Variants in TPRX1 observed in about 807,000 individuals in gnomAD.
TPRX1 encodes tetrapeptide repeat homeobox 1, also known as tetra-peptide repeat homeobox protein 1.
In TPRX1, 2 loss-of-function variants were observed where a neutral mutation model predicts 8.1. The ratio of observed to expected loss-of-function variants is 0.25; its 90% confidence interval spans 0.10 to 0.78. The LOEUF is 0.78. Among genes scored for constraint, TPRX1 ranks in the 30% least tolerant of loss-of-function variants. The probability of loss-of-function intolerance (pLI) is 0.70; values close to 1 mark genes in which losing one functional copy is unlikely to be tolerated. For synonymous variants in TPRX1, 257 were observed against 254.1 expected (o/e 1.01, Z -0.11); for missense variants, 517 against 586.9 (o/e 0.88, Z 1.23).
At chr19:47,813,318 A>T (rs1217649531) in intron 2 of TPRX1, among the ~76,000 whole-genome samples, 1 of 151,666 alleles carries the variant, frequency 6.6e-6, no homozygotes, top group African/African-American at 2.4e-5. Context: ...ACAGGGTGAG[A>T]CCCTGTCTCA....
chr19:47,802,685 A>C lies in TPRX1; in HGVS notation c.617T>G (p.Ile206Ser). 1 of 1,568,500 alleles carries C rather than the reference A, an allele frequency of 6.4e-7. No homozygotes were observed. The highest frequency in any genetic ancestry group is 8.6e-7 in the Non-Finnish European group (1 of 1,157,724). ...AATTGAGCCAGGGAGTGGGCCTGGGATCTGGGCTGGGCCTGGGATTGGGGC... is the reference window on the plus strand; with the variant it reads ...AATTGAGCCAGGGAGTGGGCCTGGGCTCTGGGCTGGGCCTGGGATTGGGGC... The change falls in exon 4 of 4, where the codon ATC (isoleucine) becomes AGC (serine). Residue 206 changes from isoleucine (I) to serine (S), a missense_variant. Ile to Ser is a moderately radical substitution (Grantham distance 142). Transcript: ENST00000535759.
At chr19:47,802,644 C>T (rs1185891245) in exon 4 of TPRX1, 1 of 1,552,410 alleles carries the variant, frequency 6.4e-7, no homozygotes, top group Non-Finnish European at 8.7e-7. Flanking sequence ...TGAGCTGGGC[C>T]TGGAATTGGG....
chr19:47,817,590 T>C (rs929223448), intron 2 of TPRX1, among the ~76,000 whole-genome samples: 1 of 152,148 alleles, frequency 6.6e-6, no homozygotes, highest in Non-Finnish European at 1.5e-5. Context: ...AGGGGTAGAA[T>C]TTAAATCTCT....
chr19:47,809,512 A>G (rs1967763769), intron 2 of TPRX1, among the ~76,000 whole-genome samples: 1 of 151,956 alleles, frequency 6.6e-6, no homozygotes, highest in Non-Finnish European at 1.5e-5. Flanking sequence ...CTAACTCCTG[A>G]CCTCAAGTGA....
chr19:47,804,418 C>T (rs573430756), intron 2 of TPRX1, among the ~76,000 whole-genome samples, 97 bp downstream of exon 1: 7 of 152,194 alleles, frequency 4.6e-5, no homozygotes, highest in African/African-American at 1.4e-4. Context: ...GGAAGCCGCC[C>T]GCACAGGCCC....
At chr19:47,816,216 A>C (rs190054625) in intron 2 of TPRX1, among the ~76,000 whole-genome samples, 6 of 150,516 alleles carry the variant, frequency 4.0e-5, no homozygotes, top group East Asian at 2.0e-4. Context: ...TTATAGGCGC[A>C]CACCACCATA....
exon 4 of TPRX1, chr19:47,801,985 G>T (rs942532542): frequency 6.2e-6 from 10 of 1,614,056 alleles, no homozygotes; most frequent in Non-Finnish European, 8.5e-6. Flanking sequence ...CTGGCAAGAA[G>T]TCGGAGGCAT....
rs1213552874 is a variant in TPRX1, at chr19:47,802,557, G to C, written c.745C>G (p.Pro249Ala). Residue 249 changes from proline to alanine, a missense_variant, in exon 4 of 4, where the codon CCA (proline) becomes GCA (alanine). Pro to Ala is a conservative substitution (Grantham distance 27). This residue lies in a region of TPRX1 where 506 missense variants were observed against 515.5 expected (regional missense o/e 0.98). Transcript: ENST00000535759. The stretch of plus-strand genomic sequence containing the variant: ...GGGCCTGAAATTGGGCCTGGGATTG[G>C]GCCACGGAATGGGCCTGGGATCTGG... The C allele has an allele frequency of 3.9e-6, 6 of 1,550,524 alleles. No homozygotes were observed. The African/African-American group carries it at 4.1e-5, about 11-fold the overall frequency.
intron 2 of TPRX1, among the ~76,000 whole-genome samples, chr19:47,816,821 C>T (rs181100287): frequency 2.4e-4 from 36 of 152,146 alleles, no homozygotes; most frequent in Middle Eastern, 3.2e-3. Flanking sequence ...CGTGAGCCAC[C>T]ACGCCCAGCC....
At position 47,803,733 on chromosome 19, in the gene TPRX1, G is replaced by A. The variant is rs898240062; in HGVS notation, c.152-60C>T. Reference sequence around the variant, plus strand: ...CCAGGCAGCCCCCAGCCCCCCTAGGGACCCCGTCCCCTGCACCAGGCCAGG... The same window carrying A: ...CCAGGCAGCCCCCAGCCCCCCTAGGAACCCCGTCCCCTGCACCAGGCCAGG... On this transcript the variant is annotated intron_variant, in intron 2 of 3. Transcript: ENST00000535759. 2.5e-4 allele frequency: 193 copies of A among 759,854 alleles called. 9 individuals carry two copies. Among genetic ancestry groups the A allele is most frequent in the Non-Finnish European group, 3.5e-4 (170 of 485,986 alleles). 47.1% of individuals were successfully genotyped at this position (759,854 alleles called of 1,614,324 possible). A position where few individuals can be genotyped will look rare whatever the true frequency, so the allele number is the denominator to read the frequency against.
chr19:47,815,010 G>A (rs1967818173), intron 2 of TPRX1, among the ~76,000 whole-genome samples: 1 of 149,998 alleles, frequency 6.7e-6, no homozygotes, highest in South Asian at 2.1e-4. Context: ...TGTTGGCCAG[G>A]CTGGCCTTGA....
At chr19:47,810,502 C>T (rs192769078) in intron 2 of TPRX1, among the ~76,000 whole-genome samples, 1 of 151,410 alleles carries the variant, frequency 6.6e-6, no homozygotes, top group East Asian at 2.0e-4. Context: ...GCGCCCACCA[C>T]CACGCCCGGC....
chr19:47,818,396 A>ATCCG (rs1967870470), intron 2 of TPRX1: 1 of 436,008 alleles, frequency 2.3e-6, no homozygotes, highest in Non-Finnish European at 4.6e-6. Context: ...CCCTCCATCC[A>ATCCG]TCCATCCATC....
At position 47,802,688 on chromosome 19, in the gene TPRX1, T is replaced by C. The variant is rs1178229377; in HGVS notation, c.614A>G (p.Gln205Arg). Residue 205 changes from glutamine to arginine, a missense_variant, in exon 4 of 4, where the codon CAG becomes CGG. Physicochemically the swap from Gln to Arg is conservative, Grantham distance 43. Around this residue, in one of 3 missense-constraint regions of TPRX1, gnomAD observed 506 missense variants for 515.5 expected, o/e 0.98. Transcript: ENST00000535759. Reference sequence around the variant, plus strand: ...TGAGCCAGGGAGTGGGCCTGGGATCTGGGCTGGGCCTGGGATTGGGGCAGG... The same window carrying C: ...TGAGCCAGGGAGTGGGCCTGGGATCCGGGCTGGGCCTGGGATTGGGGCAGG... 1.3e-6 allele frequency: 2 copies of C among 1,550,466 alleles called. No homozygotes were observed. Among genetic ancestry groups the C allele is most frequent in the Admixed American group, 2.0e-5 (1 of 50,384 alleles).
chr19:47,816,361 C>A (rs1967840534), intron 2 of TPRX1, among the ~76,000 whole-genome samples: 1 of 151,788 alleles, frequency 6.6e-6, no homozygotes, highest in South Asian at 2.1e-4. Context: ...AACCACTGTG[C>A]CTGGCCTTCT....
chr19:47,802,744 T>C (rs1277747356), exon 4 of TPRX1: 2 of 1,604,696 alleles, frequency 1.2e-6, no homozygotes, highest in East Asian at 2.2e-5. Flanking sequence ...TCAGGGCAGC[T>C]GGGATGCCCT....
exon 4 of TPRX1, chr19:47,801,634 A>G (rs12463168): frequency 0.45 from 438,001 of 981,526 alleles, 101,760 homozygotes; most frequent in East Asian, 0.65. Context: ...CACCTGTGAT[A>G]GCTGCACAGT....
intron 2 of TPRX1, among the ~76,000 whole-genome samples, chr19:47,815,139 TA>T (rs1568617392): frequency 8.5e-5 from 9 of 105,736 alleles, no homozygotes; most frequent in Admixed American, 4.2e-4. Context: ...TATATATATA[TA>T]TATGCAAATA....
At chr19:47,801,997 G>A (rs369241122) in exon 4 of TPRX1, 112 of 1,613,432 alleles carry the variant, frequency 6.9e-5, no homozygotes, top group Middle Eastern at 1.6e-4. Context: ...CGGAGGCATC[G>A]GGGCTCTGAG....
Sources: gnomAD v4.1 joint callset for allele counts (sites outside exome capture counted in the v4.1 genomes callset) on GRCh38, gnomAD v4.1.1 for gene constraint, gnomAD v4.1.1 regional missense constraint, MANE v1.5 for transcripts, NCBI Gene and HGNC (gene_info 2026-07-23, HGNC 2026-07-21) for gene names.